The following WTAP variants were observed in gnomAD, a reference collection of about 807,000 sequenced individuals.
WTAP encodes pre-mRNA-splicing regulator WTAP.
Under a neutral mutation model 50.0 loss-of-function variants are expected in WTAP, and 8 were observed. The observed-to-expected ratio is 0.16, with a 90% CI of 0.09 to 0.29. WTAP has a LOEUF of 0.29. WTAP is among the 10% of genes least tolerant of loss of function. WTAP has a pLI of 1.00. For synonymous variants in WTAP, 194 were observed against 169.0 expected (o/e 1.15, Z -1.15); for missense variants, 295 against 470.7 (o/e 0.63, Z 3.45).
In WTAP at chr6:159,727,628, G is replaced by C; in HGVS notation, c.-84G>C. ...TGTCCGGCTGCGCGGTGGCCCGGGG[G>C]GCCCGGGCGGCAGGGCAAGCAGCGC... is the stretch of plus-strand genomic sequence containing the variant. On this transcript the variant is annotated 5_prime_UTR_variant, in exon 1 of 8. Transcript: ENST00000621533. 2.0e-6 allele frequency: 2 copies of C among 986,158 alleles called. No homozygotes were observed. The highest frequency in any genetic ancestry group is 1.2e-6 in the Non-Finnish European group (1 of 830,628). The allele number at this position is 986,158 out of a possible 1,614,324, so 61.1% of individuals were successfully genotyped here.
intron 1 of WTAP, among the ~76,000 whole-genome samples, chr6:159,728,834 T>A (rs1406297250): frequency 1.3e-5 from 2 of 152,218 alleles, no homozygotes; most frequent in Non-Finnish European, 2.9e-5. Flanking sequence ...TGTTAAGGTA[T>A]CTTAAGCAGA....
chr6:159,727,625 G>T lies in WTAP; in HGVS notation c.-87G>T. The T allele has an allele frequency of 1.0e-6, 1 of 986,082 alleles. No individual in the cohort carries two copies. The highest frequency in any genetic ancestry group is 4.6e-5 in the South Asian group (1 of 21,680). 61.1% of individuals were successfully genotyped at this position (986,082 alleles called of 1,614,324 possible). ...AGCTGTCCGGCTGCGCGGTGGCCCGGGGGGCCCGGGCGGCAGGGCAAGCAG... is the reference window on the plus strand; with the variant it reads ...AGCTGTCCGGCTGCGCGGTGGCCCGTGGGGCCCGGGCGGCAGGGCAAGCAG... On this transcript the variant is annotated 5_prime_UTR_variant, in exon 1 of 8. Transcript: ENST00000621533.
At chr6:159,735,928 A>G (rs1056941331) in intron 1 of WTAP, among the ~76,000 whole-genome samples, 7 of 152,106 alleles carry the variant, frequency 4.6e-5, no homozygotes, top group Admixed American at 1.3e-4. Flanking sequence ...TGAGGTCATT[A>G]TATTTCTCTT....
chr6:159,738,079 C>A (rs1161391274), intron 2 of WTAP, among the ~76,000 whole-genome samples: 1 of 152,190 alleles, frequency 6.6e-6, no homozygotes, highest in African/African-American at 2.4e-5. Context: ...AGAGCTTATT[C>A]ACATTTCACG....
At chr6:159,726,974 C>G (rs1183740551), upstream of WTAP, 2 of 1,281,726 alleles carry the variant, frequency 1.6e-6, no homozygotes, top group Non-Finnish European at 2.0e-6. Context: ...ACAGAGCGGC[C>G]AATCACGCGC....
upstream of WTAP, chr6:159,726,875 A>ACGCCCGCGGCTCGC (rs1778193616): frequency 7.8e-7 from 1 of 1,289,174 alleles, no homozygotes; most frequent in African/African-American, 1.5e-5. Context: ...CTAAGAGTAA[A>ACGCCCGCGGCTCGC]CGCCCGCGGC....
chr6:159,737,018 T>G (rs891769683), intron 2 of WTAP, among the ~76,000 whole-genome samples: 2 of 152,218 alleles, frequency 1.3e-5, no homozygotes, highest in African/African-American at 4.8e-5. Context: ...TTTCATAATC[T>G]GAGAATTACT....
At chr6:159,754,198 GTC>G (rs1413320332) in intron 7 of WTAP, among the ~76,000 whole-genome samples, 2 of 152,188 alleles carry the variant, frequency 1.3e-5, no homozygotes, top group Non-Finnish European at 2.9e-5. Flanking sequence ...GAAAATTAGT[GTC>G]TCTGGTTAAT....
At chr6:159,745,281 A>G (rs1779508524) in intron 5 of WTAP, 1 of 152,186 alleles carries the variant, frequency 6.6e-6, no homozygotes, top group Non-Finnish European at 1.5e-5. Flanking sequence ...TGTTTGTGCT[A>G]TTCATGCACA....
At chr6:159,738,943 GTGT>G (rs754554594) in intron 2 of WTAP, 44 bp from the exon 3 acceptor site, 33 of 1,435,584 alleles carry the variant, frequency 2.3e-5, no homozygotes, top group Non-Finnish European at 3.9e-6. Context: ...ATAGAACTTT[GTGT>G]CTTCAGGAAG....
rs1043258697 is a variant in WTAP at position 159,727,544 on chromosome 6, T to C, written c.-168T>C. 2.0e-6 allele frequency: 2 copies of C among 989,612 alleles called. No homozygotes were observed. Among genetic ancestry groups the C allele is most frequent in the African/African-American group, 1.8e-5 (1 of 56,794 alleles). The allele number at this position is 989,612 out of a possible 1,614,324, so 61.3% of individuals were successfully genotyped here. A position where few individuals can be genotyped will look rare whatever the true frequency, so the allele number is the denominator to read the frequency against. On this transcript the variant is annotated 5_prime_UTR_variant, in exon 1 of 8. Coordinates refer to ENST00000621533, the MANE Select transcript of WTAP (RefSeq NM_001270531.2). ...ATTTTGTGGCAGCGAGACCCACAAA[T>C]AAAGGGGAGCGCAGGGGTTGCGGCG...
At chr6:159,726,715 A>G (rs1778185385), upstream of WTAP, 1 of 1,244,824 alleles carries the variant, frequency 8.0e-7, no homozygotes, top group Non-Finnish European at 1.0e-6. Flanking sequence ...GACACAGCGC[A>G]ACCTCCGACG....
intron 1 of WTAP, among the ~76,000 whole-genome samples, chr6:159,733,847 C>A (rs953686492): frequency 1.7e-4 from 26 of 151,998 alleles, no homozygotes; most frequent in African/African-American, 5.1e-4. Flanking sequence ...ACCCAGGAGG[C>A]GGAGGTTGCG....
intron 2 of WTAP, among the ~76,000 whole-genome samples, chr6:159,737,907 T>C (rs774740777): frequency 2.0e-5 from 3 of 152,214 alleles, no homozygotes; most frequent in Non-Finnish European, 1.5e-5. Context: ...CTTTCAGCTT[T>C]TTGTTTTGAA....
chr6:159,739,394 T>C (rs1414242901), intron 3 of WTAP, among the ~76,000 whole-genome samples: 2 of 152,180 alleles, frequency 1.3e-5, no homozygotes, highest in Non-Finnish European at 2.9e-5. Flanking sequence ...CTTTTTCTTA[T>C]TAGTGTGACC....
rs1345098024 is a variant in WTAP at position 159,727,590 on chromosome 6, C to T, written c.-122C>T. On this transcript the variant is annotated 5_prime_UTR_variant, in exon 1 of 8. Transcript: ENST00000621533. The stretch of plus-strand genomic sequence containing the variant: ...CGGCGGGACTAGGAGCGCGGCGGGG[C>T]CGGCGGCAGAGCTGTCCGGCTGCGC... 6 of 986,776 alleles carry T rather than the reference C, an allele frequency of 6.1e-6. No homozygotes were observed. The East Asian group carries it at 5.7e-4, about 93-fold the overall frequency. The allele number at this position is 986,776 out of a possible 1,614,324, so 61.1% of individuals were successfully genotyped here. A position where few individuals can be genotyped will look rare whatever the true frequency, so the allele number is the denominator to read the frequency against.
chr6:159,745,072 C>G (rs1353672631), intron 5 of WTAP: 1 of 152,202 alleles, frequency 6.6e-6, no homozygotes, highest in African/African-American at 2.4e-5. Context: ...ACTTCTTTCT[C>G]CATAGTTACT....
intron 5 of WTAP, 62 bp downstream of exon 5, chr6:159,743,854 T>G (rs1779404751): frequency 2.0e-6 from 3 of 1,483,276 alleles, no homozygotes; most frequent in Non-Finnish European, 2.7e-6. Context: ...TCCACATTAT[T>G]ACATGTTAAT....
chr6:159,729,412 T>C (rs776929497), intron 1 of WTAP, among the ~76,000 whole-genome samples: 10 of 152,352 alleles, frequency 6.6e-5, no homozygotes, highest in Middle Eastern at 6.8e-3. Context: ...TCCACAATAG[T>C]AAACTTCATT....
Sources: gnomAD v4.1 joint callset for allele counts (sites outside exome capture counted in the v4.1 genomes callset) on GRCh38, gnomAD v4.1.1 for gene constraint, MANE v1.5 for transcripts, NCBI Gene and HGNC (gene_info 2026-07-23, HGNC 2026-07-21) for gene names.